RORA: variants seen among roughly 807,000 people sequenced by gnomAD.
The protein encoded by RORA is RAR related orphan receptor A.
A neutral mutation model predicts 69.5 loss-of-function variants in RORA; 7 were observed. That is an observed-to-expected ratio of 0.10 (90% CI 0.06 to 0.19). RORA has a LOEUF of 0.19. Ranked by LOEUF, RORA falls within the 10% of genes least tolerant of loss-of-function variation. The pLI is 1.00. For synonymous variants in RORA, 261 were observed against 240.8 expected, an observed-to-expected ratio of 1.08 and a Z score of -0.78; for missense variants, 457 against 663.0, an observed-to-expected ratio of 0.69 and a Z score of 3.41.
At chr15:60,959,283 T>C (rs550065051) in intron 1 of RORA, among the ~76,000 whole-genome samples, 3 of 152,340 alleles carry the variant, frequency 2.0e-5, no homozygotes, top group South Asian at 2.1e-4. Flanking sequence ...TAACAAAATA[T>C]ACATTAAAAA....
At chr15:60,622,517 T>C (rs773348743) in intron 2 of RORA, among the ~76,000 whole-genome samples, 4 of 151,776 alleles carry the variant, frequency 2.6e-5, no homozygotes, top group Non-Finnish European at 5.9e-5. Context: ...GAGGCTGAGA[T>C]AGGAGAACCA....
intron 1 of RORA, among the ~76,000 whole-genome samples, chr15:61,008,835 A>G: frequency 6.6e-6 from 1 of 152,184 alleles, no homozygotes; most frequent in East Asian, 1.9e-4. Flanking sequence ...ATGTAGAAAA[A>G]TTGCAGGAAC....
At chr15:60,839,439 G>A (rs1010088561) in intron 1 of RORA, among the ~76,000 whole-genome samples, 2 of 151,998 alleles carry the variant, frequency 1.3e-5, no homozygotes, top group African/African-American at 4.8e-5. Context: ...GGCAAAAAAC[G>A]AAATTACTTT....
intron 1 of RORA, among the ~76,000 whole-genome samples, chr15:60,794,703 T>C (rs1456867506): frequency 1.3e-5 from 2 of 152,232 alleles, no homozygotes; most frequent in Admixed American, 1.3e-4. Flanking sequence ...TTCTAAACGA[T>C]TGGCCACTGT....
chr15:60,990,151 T>C (rs972982190), intron 1 of RORA, among the ~76,000 whole-genome samples: 8 of 152,230 alleles, frequency 5.3e-5, no homozygotes, highest in Non-Finnish European at 8.8e-5. Flanking sequence ...TTAGATCAAA[T>C]ATAACTTTTA....
At chr15:60,638,025 A>C (rs547234827) in intron 2 of RORA, among the ~76,000 whole-genome samples, 21 of 152,328 alleles carry the variant, frequency 1.4e-4, no homozygotes, top group Admixed American at 1.3e-3. Flanking sequence ...ACAGAAAATC[A>C]GAAAGGACTT....
intron 1 of RORA, among the ~76,000 whole-genome samples, chr15:61,136,188 A>G (rs993175605): frequency 6.6e-6 from 1 of 152,100 alleles, no homozygotes; most frequent in Non-Finnish European, 1.5e-5. Context: ...CCCCCACCCA[A>G]ATATTACCAC....
At chr15:60,973,546 G>T (rs1236995627) in intron 1 of RORA, among the ~76,000 whole-genome samples, 1 of 152,224 alleles carries the variant, frequency 6.6e-6, no homozygotes, top group Non-Finnish European at 1.5e-5. Context: ...GCCTGCAGTA[G>T]TTCTCCTGTC....
intron 2 of RORA, among the ~76,000 whole-genome samples, chr15:60,591,834 T>C (rs769848262): frequency 3.4e-4 from 51 of 151,922 alleles, no homozygotes; most frequent in African/African-American, 1.1e-3. Flanking sequence ...CTGCGGCACT[T>C]GCCCGGCCGG....
intron 2 of RORA, among the ~76,000 whole-genome samples, chr15:60,582,340 A>G (rs1220345816): frequency 1.3e-5 from 2 of 152,214 alleles, no homozygotes; most frequent in African/African-American, 4.8e-5. Flanking sequence ...GCCTCTCCCA[A>G]GTCTCAAACA....
chr15:60,671,062 C>A (rs1261940228), intron 2 of RORA, among the ~76,000 whole-genome samples: 1 of 49,428 alleles, frequency 2.0e-5, no homozygotes, highest in Admixed American at 2.9e-4. Flanking sequence ...CCTATATATC[C>A]CATTGATATA....
At position 61,161,956 on chromosome 15, in the gene RORA, G is replaced by A. The variant is rs188858081; in HGVS notation, c.166+67097C>T. ...ACGTTTTTGAGCCATTTTTAATCACGTGGCAAATGCATAAGATATTTGATG... is the reference window on the plus strand; with the variant it reads ...ACGTTTTTGAGCCATTTTTAATCACATGGCAAATGCATAAGATATTTGATG... On this transcript the variant is annotated intron_variant, in intron 1 of 10. Transcript: ENST00000335670. 1.2e-3 allele frequency among the ~76,000 whole-genome samples: 179 copies of A among 152,144 alleles called. 1 individual carries two copies. Among genetic ancestry groups the A allele is most frequent in the African/African-American group, 4.1e-3 (169 of 41,516 alleles).
Position 61,098,140 on chromosome 15 carries a change from C to T in RORA, c.166+130913G>A, listed in dbSNP as rs117068525. Reference sequence around the variant, plus strand: ...CCTTCCTTCTCTCCCTCCCTCCCTCCTTCTTTCCCTCCCTCCCTTCCTTCC... The same window carrying T: ...CCTTCCTTCTCTCCCTCCCTCCCTCTTTCTTTCCCTCCCTCCCTTCCTTCC... On this transcript the variant is annotated intron_variant, in intron 1 of 10. Coordinates refer to ENST00000335670, the MANE Select transcript of RORA (RefSeq NM_134261.3). Among the ~76,000 whole-genome samples the T allele has an allele frequency of 5.4e-3, 636 of 118,184 alleles. 14 individuals are homozygous for T. The East Asian group carries it at 0.091, about 17-fold the overall frequency. The allele number at this position is 118,184 out of a possible 152,430, so 77.5% of individuals were successfully genotyped here.
intron 2 of RORA, among the ~76,000 whole-genome samples, chr15:60,664,896 C>T (rs2070358429): frequency 6.6e-6 from 1 of 152,134 alleles, no homozygotes; most frequent in South Asian, 2.1e-4. Flanking sequence ...GAAAAAGTTA[C>T]AAACAAAAGT....
intron 1 of RORA, among the ~76,000 whole-genome samples, chr15:60,754,982 C>CTT (rs34892513): frequency 0.19 from 26,755 of 144,560 alleles, 2,873 homozygotes; most frequent in African/African-American, 0.31. Flanking sequence ...AGAGCTGAGT[C>CTT]TTTTTTTTTT....
chr15:60,526,773 G>T (rs2066371621), intron 3 of RORA, among the ~76,000 whole-genome samples: 3 of 152,132 alleles, frequency 2.0e-5, no homozygotes, highest in Admixed American at 2.0e-4. Flanking sequence ...ATTAGTTCAC[G>T]ACTAGCAACA....
chr15:60,694,223 G>C (rs1308731354), intron 1 of RORA, among the ~76,000 whole-genome samples: 7 of 152,284 alleles, frequency 4.6e-5, no homozygotes, highest in Admixed American at 1.3e-4. Context: ...GTCCCTGTAA[G>C]GCAGAGCTGG....
rs771821251 is a variant in RORA, at chr15:60,502,808, C to T, written c.1135G>A (p.Val379Met). 15 of 1,613,794 alleles carry T rather than the reference C, an allele frequency of 9.3e-6. No individual in the cohort carries two copies. The highest frequency in any genetic ancestry group is 4.4e-5 in the South Asian group (4 of 91,076). ...CRAFDSQNNT[V>M]YFDGKYASPD... The stretch of plus-strand genomic sequence containing the variant: ...CTGGCATACTTCCCATCAAAGTACA[C>T]GGTGTTGTTCTGAGAGTCAAAGGCA... Residue 379 changes from valine (V) to methionine (M), a missense_variant, in exon 8 of 11, where the codon GTG becomes ATG. Physicochemically the swap from Val to Met is conservative, Grantham distance 21. Around this residue, in one of 3 missense-constraint regions of RORA, gnomAD observed 304 missense variants for 447.4 expected, o/e 0.68. Transcript: ENST00000335670.
At chr15:60,911,446 A>T (rs1891713796) in intron 1 of RORA, among the ~76,000 whole-genome samples, 1 of 152,164 alleles carries the variant, frequency 6.6e-6, no homozygotes, top group Non-Finnish European at 1.5e-5. Flanking sequence ...GACAAAATAG[A>T]TAGTTGCCTT....
Sources: allele counts gnomAD v4.1 joint callset (sites outside exome capture counted in the v4.1 genomes callset), GRCh38; gene constraint gnomAD v4.1.1; regional missense constraint gnomAD v4.1.1; transcripts MANE v1.5; gene names NCBI Gene and HGNC (gene_info 2026-07-23, HGNC 2026-07-21).